Variants in CLBA1 observed in about 807,000 individuals in gnomAD.
CLBA1 encodes the protein clathrin binding box of aftiphilin containing 1.
A neutral mutation model predicts 28.8 loss-of-function variants in CLBA1; 30 were observed. The ratio of observed to expected loss-of-function variants is 1.04; its 90% confidence interval spans 0.78 to 1.41. The LOEUF (loss-of-function observed/expected upper bound fraction) is 1.41, where lower values mean the gene tolerates loss of function less well. Among genes scored for constraint, CLBA1 ranks in the 40% most tolerant of loss-of-function variants. The probability of loss-of-function intolerance (pLI) is 0.00; values close to 1 mark genes in which losing one functional copy is unlikely to be tolerated. For synonymous variants in CLBA1, 160 were observed against 152.8 expected (o/e 1.05, Z -0.35); for missense variants, 451 against 412.3 (o/e 1.09, Z -0.81).
chr14:104,986,756 C>A lies in CLBA1; in HGVS notation c.325C>A (p.Pro109Thr). Residue 109 changes from proline (P) to threonine (T), a missense_variant, in exon 1 of 5, where the codon CCA becomes ACA. Transcript: ENST00000547315. Reference sequence around the variant, plus strand: ...CCTCGAGGGACCCACAGAACCCCAGCCACCGAGAACCACTTCTGCCCCAAA... The same window carrying A: ...CCTCGAGGGACCCACAGAACCCCAGACACCGAGAACCACTTCTGCCCCAAA... The part of the protein sequence containing the change: ...ELLEGPTEPQ[P>T]PRTTSAPKEC... The A allele has an allele frequency of 1.2e-6, 2 of 1,614,080 alleles. No homozygotes were observed. The highest frequency in any genetic ancestry group is 1.7e-6 in the Non-Finnish European group (2 of 1,180,044).
At chr14:104,987,606 CTTTTTT>C (rs869117577) in intron 1 of CLBA1, among the ~76,000 whole-genome samples, 6 of 60,002 alleles carry the variant, frequency 1.0e-4, no homozygotes, top group Admixed American at 2.8e-4. Context: ...TCTTCCTTTT[CTTTTTT>C]TTTTTTTTTT....
intron 4 of CLBA1, chr14:104,993,504 G>T (rs1165719963): frequency 1.0e-6 from 1 of 985,408 alleles, no homozygotes; most frequent in Non-Finnish European, 1.2e-6. Context: ...CCCTACACAG[G>T]GTCTGCCCAC....
rs758221845 is a variant in CLBA1 at position 104,991,627 on chromosome 14, G to A, written c.699+7G>A. ...AATAGATGCTGCGCAGAAGGTAGGCGGTTTGGGTTGACACAGGGCTCCTGG... is the reference window on the plus strand; with the variant it reads ...AATAGATGCTGCGCAGAAGGTAGGCAGTTTGGGTTGACACAGGGCTCCTGG... On this transcript the variant is annotated splice_region_variant and intron_variant, in intron 3 of 4. Coordinates refer to ENST00000547315, the MANE Select transcript of CLBA1 (RefSeq NM_174891.4). The A allele has an allele frequency of 5.4e-5, 87 of 1,604,492 alleles. No homozygotes were observed. The East Asian group carries it at 1.2e-3, about 22-fold the overall frequency.
intron 1 of CLBA1, among the ~76,000 whole-genome samples, chr14:104,988,203 C>T (rs576043552): frequency 1.3e-5 from 2 of 152,302 alleles, no homozygotes; most frequent in African/African-American, 4.8e-5. Flanking sequence ...ATGTAGCACA[C>T]CTGTCAACAC....
rs539550549 is a variant in CLBA1 at position 104,992,949 on chromosome 14, A to C, written c.701A>C (p.Asn234Thr). 4 of 1,612,324 alleles carry C rather than the reference A, an allele frequency of 2.5e-6. No homozygotes were observed. ...GTCTGATGGGGTCTGTCTCCTTAGAACCTTTCTGGAGGCCAGGGCCACATC... is the reference window on the plus strand; with the variant it reads ...GTCTGATGGGGTCTGTCTCCTTAGACCCTTTCTGGAGGCCAGGGCCACATC... The part of the protein sequence containing the change: ...LVLGIDAAQK[N>T]LSGGQGHIME... Residue 234 changes from asparagine (N) to threonine (T), a missense_variant and splice_region_variant, in exon 4 of 5, where the codon AAC (asparagine) becomes ACC (threonine). By Grantham distance (65) the Asn-to-Thr change is moderately conservative. Coordinates refer to ENST00000547315, the MANE Select transcript of CLBA1 (RefSeq NM_174891.4).
intron 3 of CLBA1, among the ~76,000 whole-genome samples, chr14:104,992,005 C>CA (rs1469318509): frequency 6.7e-6 from 1 of 148,868 alleles, no homozygotes; most frequent in Non-Finnish European, 1.5e-5. Context: ...GCACACACCT[C>CA]ACGCCACCAC....
At chr14:104,999,828 T>G (rs1158829188), downstream of CLBA1, among the ~76,000 whole-genome samples, 7 of 152,198 alleles carry the variant, frequency 4.6e-5, no homozygotes, top group Non-Finnish European at 1.0e-4. Context: ...CTTTAAATGT[T>G]TATATTAGAA....
Position 104,986,692 on chromosome 14 carries a change from T to A in CLBA1, c.261T>A (p.Ser87=). 1 of 1,614,096 alleles carries A rather than the reference T, an allele frequency of 6.2e-7. No individual in the cohort carries two copies. The highest frequency in any genetic ancestry group is 1.1e-5 in the South Asian group (1 of 91,086). Residue 87 remains serine, a synonymous_variant, in exon 1 of 5, where the codon TCT becomes TCA. Transcript: ENST00000547315. ...GGGAGTTTGAAGGCTTTCGGGAATC[T>A]TCAGCCAAGTCTGGACAATTCTCAC... ...TWGEFEGFRE[S]SAKSGQFSQS... is the part of the protein sequence containing the mutation.
chr14:104,999,177 A>G (rs889178263), downstream of CLBA1: 9 of 982,646 alleles, frequency 9.2e-6, no homozygotes, highest in African/African-American at 1.6e-4. Flanking sequence ...TTCCCCAAAT[A>G]AACTTCTTGA....
intron 2 of CLBA1, 78 bp downstream of exon 2, chr14:104,989,166 G>C (rs1311654492): frequency 4.7e-6 from 7 of 1,477,794 alleles, no homozygotes; most frequent in Non-Finnish European, 5.6e-6. Context: ...GTGAGGCTTT[G>C]TTTTTGCCTT....
Position 104,986,632 on chromosome 14 carries a change from A to G in CLBA1, c.201A>G (p.Arg67=). ...AGGGCGGTTCCACCTGCACTGCCCG[A>G]TGTCCTGACCCTGGGGAACACAGCA... The part of the protein sequence containing the change: ...PREGGSTCTA[R]CPDPGEHSST... Residue 67 remains arginine (R), a synonymous_variant, in exon 1 of 5, where the codon CGA becomes CGG. Coordinates refer to ENST00000547315, the MANE Select transcript of CLBA1 (RefSeq NM_174891.4). The G allele has an allele frequency of 6.2e-7, 1 of 1,613,944 alleles. No homozygotes were observed. The highest frequency in any genetic ancestry group is 1.3e-5 in the African/African-American group (1 of 74,982).
At chr14:104,992,106 TGCCGCCATGCACAC>T (rs1376857335) in intron 3 of CLBA1, among the ~76,000 whole-genome samples, 6 of 108,734 alleles carry the variant, frequency 5.5e-5, no homozygotes, top group Admixed American at 3.0e-4. Context: ...CACCACCACA[TGCCGCCATGCACAC>T]GCCACCACGC....
intron 1 of CLBA1, among the ~76,000 whole-genome samples, chr14:104,987,855 T>G (rs530380116): frequency 6.6e-6 from 1 of 151,688 alleles, no homozygotes; most frequent in South Asian, 2.1e-4. Context: ...CAGGCTGGTC[T>G]TGAACTCCTG....
At position 104,989,035 on chromosome 14, in the gene CLBA1, C is replaced by CAT. The variant is rs1204212158; in HGVS notation, c.516_517insAT (p.Leu173IlefsTer2). 1 of 1,613,612 alleles carries CAT rather than the reference C, an allele frequency of 6.2e-7. No homozygotes were observed. Among genetic ancestry groups the CAT allele is most frequent in the Non-Finnish European group, 8.5e-7 (1 of 1,179,752 alleles). Reference sequence around the variant, plus strand: ...AAGACGTTTCCACCATAGACCATTTCCTAGAAATAAGCAGTGAAGAAAAAC... The same window carrying CAT: ...AAGACGTTTCCACCATAGACCATTTCATCTAGAAATAAGCAGTGAAGAAAAAC... On this transcript the variant is annotated frameshift_variant, in exon 2 of 5. Transcript: ENST00000547315. LOFTEE classifies it high-confidence loss of function.
chr14:104,998,876 C>T (rs950283981), downstream of CLBA1, among the ~76,000 whole-genome samples: 9 of 152,220 alleles, frequency 5.9e-5, no homozygotes, highest in Non-Finnish European at 1.2e-4. Context: ...TGGGGCCCAT[C>T]GTGCCATGCT....
Position 104,993,011 on chromosome 14 carries a change from C to T in CLBA1, c.763C>T (p.Leu255Phe). 2 of 1,614,156 alleles carry T rather than the reference C, an allele frequency of 1.2e-6. No individual in the cohort carries two copies. The highest frequency in any genetic ancestry group is 1.7e-6 in the Non-Finnish European group (2 of 1,180,030). Residue 255 changes from leucine to phenylalanine, a missense_variant, in exon 4 of 5, where the codon CTC (leucine) becomes TTC (phenylalanine). Physicochemically the swap from Leu to Phe is conservative, Grantham distance 22 (BLOSUM62 0). Coordinates refer to ENST00000547315, the MANE Select transcript of CLBA1 (RefSeq NM_174891.4). ...DCDLKEPEGL[L>F]TVSSFCLQHC... ...TGACCTCAAAGAGCCTGAAGGACTC[C>T]TCACTGTCAGCAGCTTCTGTCTCCA...
At position 104,986,319 on chromosome 14, in the gene CLBA1, C is replaced by T. The variant is rs985322060; in HGVS notation, c.-113C>T. The stretch of plus-strand genomic sequence containing the variant: ...GCCCGGGGCACTCCTGCAGCGTCCC[C>T]TGGCCCTCTCCAGGGCAGGGGAAGG... On this transcript the variant is annotated 5_prime_UTR_variant, in exon 1 of 5. Transcript: ENST00000547315. 1.4e-4 allele frequency: 168 copies of T among 1,174,878 alleles called. No homozygotes were observed. The highest frequency in any genetic ancestry group is 1.8e-4 in the Non-Finnish European group (151 of 849,640). The allele number at this position is 1,174,878 out of a possible 1,614,324, so 72.8% of individuals were successfully genotyped here.
At chr14:104,989,815 G>C (rs995159509) in intron 2 of CLBA1, 1 of 417,610 alleles carries the variant, frequency 2.4e-6, no homozygotes, top group Admixed American at 2.4e-5. Context: ...GCAGCCAGGG[G>C]AGAGCCAGGT....
intron 4 of CLBA1, chr14:104,993,323 G>GAAGCCAGGGAGA: frequency 1.0e-6 from 1 of 985,456 alleles, no homozygotes. Context: ...TCACGCAGGA[G>GAAGCCAGGGAGA]AAGCCAGGGA....
Sources: allele counts gnomAD v4.1 joint callset (sites outside exome capture counted in the v4.1 genomes callset), GRCh38; gene constraint gnomAD v4.1.1; transcripts MANE v1.5; gene names NCBI Gene and HGNC (gene_info 2026-07-23, HGNC 2026-07-21).